TUSC3: variants seen among roughly 807,000 people sequenced by gnomAD.
TUSC3 encodes dolichyl-diphosphooligosaccharide--protein glycosyltransferase subunit TUSC3.
In TUSC3, 45 loss-of-function variants were observed where a neutral mutation model predicts 44.8. That is an observed-to-expected ratio of 1.00 (90% CI 0.79 to 1.29). The LOEUF (loss-of-function observed/expected upper bound fraction) is 1.29, where lower values mean the gene tolerates loss of function less well. Among genes scored for constraint, TUSC3 ranks in the 50% most tolerant of loss-of-function variants. The pLI, the probability that TUSC3 is intolerant of heterozygous loss-of-function variation, is 0.00. For synonymous variants in TUSC3, 212 were observed against 152.9 expected, an observed-to-expected ratio of 1.39 and a Z score of -2.85; for missense variants, 519 against 437.9, an observed-to-expected ratio of 1.19 and a Z score of -1.65.
intron 3 of TUSC3, among the ~76,000 whole-genome samples, chr8:15,657,405 T>C (rs1052862891): frequency 2.4e-4 from 36 of 152,208 alleles, no homozygotes; most frequent in Non-Finnish European, 5.0e-4. Context: ...AAGTTCTGCA[T>C]TCTATAAAGT....
chr8:15,569,009 C>A (rs1430601868), intron 1 of TUSC3, among the ~76,000 whole-genome samples: 2 of 151,904 alleles, frequency 1.3e-5, no homozygotes, highest in Non-Finnish European at 2.9e-5. Context: ...CCAAGTAGAC[C>A]TGATTTACAT....
At chr8:15,421,995 A>G (rs1799743817) in intron 1 of TUSC3, among the ~76,000 whole-genome samples, 1 of 152,064 alleles carries the variant, frequency 6.6e-6, no homozygotes, top group African/African-American at 2.4e-5. Flanking sequence ...ATAATGTACT[A>G]ATTATACTTA....
intron 2 of TUSC3, among the ~76,000 whole-genome samples, chr8:15,512,945 T>TATATATAC (rs1417190370): frequency 2.1e-5 from 3 of 142,836 alleles, no homozygotes; most frequent in Non-Finnish European, 4.5e-5. Context: ...TATATATATA[T>TATATATAC]ATATATATAT....
the TUSC3 span, among the ~76,000 whole-genome samples, chr8:15,815,180 G>A: frequency 1.3e-5 from 2 of 152,154 alleles, no homozygotes; most frequent in East Asian, 3.9e-4. Context: ...TAGAAGGCAA[G>A]TGACTGCAAG....
chr8:15,602,347 A>G (rs1046773755), intron 1 of TUSC3, among the ~76,000 whole-genome samples: 1 of 151,720 alleles, frequency 6.6e-6, no homozygotes, highest in Non-Finnish European at 1.5e-5. Flanking sequence ...TTGTCTGGAC[A>G]AACTTCCATC....
At chr8:15,681,606 C>T (rs957798290) in intron 6 of TUSC3, among the ~76,000 whole-genome samples, 2 of 149,560 alleles carry the variant, frequency 1.3e-5, no homozygotes, top group Non-Finnish European at 3.0e-5. Context: ...CTTGTTTATC[C>T]TTTCAAAGAA....
intron 1 of TUSC3, among the ~76,000 whole-genome samples, chr8:15,579,072 C>A (rs1333980884): frequency 1.3e-5 from 2 of 151,930 alleles, no homozygotes; most frequent in African/African-American, 4.8e-5. Flanking sequence ...GGAATTTATC[C>A]ATTTCTTCTA....
At chr8:15,706,293 CAAT>C (rs146905985) in intron 6 of TUSC3, among the ~76,000 whole-genome samples, 9,477 of 151,836 alleles carry the variant, frequency 0.062, 911 homozygotes, top group African/African-American at 0.21. Context: ...TTTATGTTGT[CAAT>C]AAGTCAATTA....
chr8:15,583,220 A>G lies in TUSC3; in HGVS notation c.139-39860A>G, dbSNP rs140175347. On this transcript the variant is annotated intron_variant, in intron 1 of 10. Transcript: ENST00000503731. ...AATAGTATACTTTAGAAATCTTTTT[A>G]AAGCCATGTAAGACATTAAACATTT... Among the ~76,000 whole-genome samples, 511 of 152,352 alleles carry G rather than the reference A, an allele frequency of 3.4e-3. 5 individuals carry two copies. Among genetic ancestry groups the G allele is most frequent in the African/African-American group, 0.011 (461 of 41,588 alleles).
chr8:15,424,419 AG>A (rs1358937299), intron 1 of TUSC3, among the ~76,000 whole-genome samples: 1 of 152,110 alleles, frequency 6.6e-6, no homozygotes, highest in Non-Finnish European at 1.5e-5. Context: ...GTCTAGAGGG[AG>A]GGAGGAAAAA....
chr8:15,563,285 A>G (rs75596344), intron 1 of TUSC3, among the ~76,000 whole-genome samples: 3,613 of 152,132 alleles, frequency 0.024, 162 homozygotes, highest in African/African-American at 0.082. Context: ...GTGAATCTCT[A>G]TGTCTCTCGA....
At chr8:15,700,849 C>CTTTTTTTTGTTTTTTTTTTT (rs1809367570) in intron 6 of TUSC3, among the ~76,000 whole-genome samples, 1 of 90,536 alleles carries the variant, frequency 1.1e-5, no homozygotes, top group Non-Finnish European at 2.0e-5. Context: ...ATGGCTGGAG[C>CTTTTTTTTGTTTTTTTTTTT]TTTTTTTTTT....
chr8:15,637,065 T>C (rs1806111511), intron 2 of TUSC3, among the ~76,000 whole-genome samples: 1 of 152,224 alleles, frequency 6.6e-6, no homozygotes, highest in Non-Finnish European at 1.5e-5. Flanking sequence ...TAGGTTGCCT[T>C]TTTCAGGCAC....
the TUSC3 span, among the ~76,000 whole-genome samples, chr8:15,818,247 A>G: frequency 6.6e-6 from 1 of 152,190 alleles, no homozygotes; most frequent in African/African-American, 2.4e-5. Flanking sequence ...TTCTTTTTTT[A>G]GTGATGGAGA....
At chr8:15,466,591 A>G (rs1380547546) in intron 1 of TUSC3, among the ~76,000 whole-genome samples, 1 of 152,150 alleles carries the variant, frequency 6.6e-6, no homozygotes, top group Non-Finnish European at 1.5e-5. Flanking sequence ...TTGAGTTAGG[A>G]GACATTCAGT....
intron 1 of TUSC3, among the ~76,000 whole-genome samples, chr8:15,551,939 G>C (rs537287633): frequency 5.9e-5 from 9 of 151,660 alleles, no homozygotes; most frequent in Non-Finnish European, 1.2e-4. Context: ...ACAGTAAATA[G>C]ATGATTCCAG....
At chr8:15,649,348 G>A (rs945166704) in intron 2 of TUSC3, among the ~76,000 whole-genome samples, 2 of 152,056 alleles carry the variant, frequency 1.3e-5, no homozygotes, top group Non-Finnish European at 2.9e-5. Flanking sequence ...ACTTTGGGAG[G>A]CCGAGGCGGG....
intron 1 of TUSC3, among the ~76,000 whole-genome samples, chr8:15,450,423 C>T (rs1238826083): frequency 6.6e-6 from 1 of 152,176 alleles, no homozygotes; most frequent in East Asian, 1.9e-4. Context: ...TGGCGGCTAA[C>T]ACCTGTAATC....
intron 3 of TUSC3, among the ~76,000 whole-genome samples, chr8:15,656,593 C>T (rs781697172): frequency 5.3e-5 from 8 of 152,174 alleles, no homozygotes; most frequent in Non-Finnish European, 1.2e-4. Flanking sequence ...GGCAGCCCCA[C>T]CCACCTCTAT....
Sources: gnomAD v4.1 joint callset for allele counts (sites outside exome capture counted in the v4.1 genomes callset) on GRCh38, gnomAD v4.1.1 for gene constraint, MANE v1.5 for transcripts, NCBI Gene and HGNC (gene_info 2026-07-23, HGNC 2026-07-21) for gene names.